Variants in ABI3BP observed in about 807,000 individuals in gnomAD.
ABI3BP encodes ABI family member 3 binding protein.
ABI3BP carries 216 observed loss-of-function variants against 268.6 expected under a neutral mutation model. The observed-to-expected ratio is 0.80, with a 90% confidence interval of 0.72 to 0.90. The LOEUF (loss-of-function observed/expected upper bound fraction) is 0.90. Ranked by LOEUF, ABI3BP falls within the 40% of genes least tolerant of loss-of-function variation. The probability of loss-of-function intolerance (pLI) is 0.00; values close to 1 mark genes in which losing one functional copy is unlikely to be tolerated. For missense variants in ABI3BP, 2,090 were observed against 2,182.4 expected, an observed-to-expected ratio of 0.96 and a Z score of 0.84; for synonymous variants, 730 against 730.0, an observed-to-expected ratio of 1.00 and a Z score of 0.00.
intron 9 of ABI3BP, among the ~76,000 whole-genome samples, chr3:100,874,280 A>G (rs1289130418): frequency 1.3e-5 from 2 of 152,174 alleles, no homozygotes; most frequent in Non-Finnish European, 2.9e-5. Flanking sequence ...GCTAAGATAC[A>G]ATTTGGAGCC....
At chr3:100,975,776 T>G (rs2085881224) in intron 1 of ABI3BP, among the ~76,000 whole-genome samples, 1 of 151,918 alleles carries the variant, frequency 6.6e-6, no homozygotes, top group South Asian at 2.1e-4. Flanking sequence ...GCCTTGTGGT[T>G]CCCTGAATGA....
At chr3:100,866,993 C>G (rs947036867) in intron 9 of ABI3BP, 37 bp from the exon 10 acceptor site, 1 of 1,556,904 alleles carries the variant, frequency 6.4e-7, no homozygotes, top group African/African-American at 1.4e-5. Context: ...ATCTCACTTG[C>G]AGTGTCCAAA....
chr3:100,966,069 C>T (rs1186398354), intron 1 of ABI3BP, among the ~76,000 whole-genome samples: 1 of 152,164 alleles, frequency 6.6e-6, no homozygotes, highest in East Asian at 1.9e-4. Context: ...AGGAGACCTA[C>T]ATGAAAGCAC....
chr3:100,832,470 T>G, intron 30 of ABI3BP, 120 bp from the exon 31 acceptor site: 1 of 993,062 alleles, frequency 1.0e-6, no homozygotes, highest in Non-Finnish European at 1.4e-6. Flanking sequence ...ACTTTGTCAT[T>G]TTCGTTTGAA....
At chr3:100,925,591 T>G (rs1561720482) in intron 2 of ABI3BP, among the ~76,000 whole-genome samples, 1 of 151,936 alleles carries the variant, frequency 6.6e-6, no homozygotes, top group Non-Finnish European at 1.5e-5. Context: ...ATTTTTGTAT[T>G]TTTTGTAGAG....
intron 1 of ABI3BP, among the ~76,000 whole-genome samples, chr3:100,986,553 G>A (rs989971500): frequency 4.6e-5 from 7 of 151,822 alleles, no homozygotes; most frequent in South Asian, 2.1e-4. Context: ...TGCAACCTCC[G>A]CCTCCTGGGC....
chr3:100,847,931 T>G (rs2098791810), intron 18 of ABI3BP, among the ~76,000 whole-genome samples: 1 of 152,168 alleles, frequency 6.6e-6, no homozygotes, highest in African/African-American at 2.4e-5. Context: ...CAATGAAGAA[T>G]TGACCTCCAG....
At chr3:100,883,075 T>C (rs894802235) in intron 6 of ABI3BP, among the ~76,000 whole-genome samples, 5 of 152,092 alleles carry the variant, frequency 3.3e-5, no homozygotes, top group African/African-American at 1.2e-4. Flanking sequence ...ATTCAATACA[T>C]AAATACACAG....
intron 6 of ABI3BP, among the ~76,000 whole-genome samples, chr3:100,884,266 C>T (rs1355429093): frequency 6.7e-6 from 1 of 149,932 alleles, no homozygotes; most frequent in Non-Finnish European, 1.5e-5. Context: ...ACCAAACAGA[C>T]AAGTTAAAAA....
chr3:100,835,416 T>G (rs1421122053), intron 28 of ABI3BP, among the ~76,000 whole-genome samples, 185 bp downstream of exon 28: 1 of 152,194 alleles, frequency 6.6e-6, no homozygotes, highest in Non-Finnish European at 1.5e-5. Context: ...TAGTGGCGTA[T>G]GGGCTTATAA....
chr3:100,787,994 AT>A (rs2097100724), intron 56 of ABI3BP, among the ~76,000 whole-genome samples, 192 bp from the exon 57 acceptor site: 1 of 152,170 alleles, frequency 6.6e-6, no homozygotes, highest in African/African-American at 2.4e-5. Flanking sequence ...AGAGACCTGA[AT>A]TTGTATTCTG....
At chr3:100,843,982 A>G in intron 20 of ABI3BP, 2 of 984,946 alleles carry the variant, frequency 2.0e-6, no homozygotes, top group South Asian at 9.4e-5. Flanking sequence ...ATAGGGATAG[A>G]ACTCCATCAA....
intron 1 of ABI3BP, among the ~76,000 whole-genome samples, chr3:100,984,910 T>C (rs1016075035): frequency 1.6e-4 from 25 of 152,268 alleles, no homozygotes; most frequent in African/African-American, 6.0e-4. Flanking sequence ...CTGAGTGTCA[T>C]GGTTAGAATA....
intron 62 of ABI3BP, among the ~76,000 whole-genome samples, chr3:100,769,736 A>T (rs1459719987): frequency 6.6e-6 from 1 of 152,218 alleles, no homozygotes; most frequent in Non-Finnish European, 1.5e-5. Flanking sequence ...CACAGTCCCA[A>T]GGAAAGAAGC....
In ABI3BP at chr3:100,765,954, A is replaced by T. The variant is rs754404282; in HGVS notation, c.4742-5T>A. 1 of 1,588,370 alleles carries T rather than the reference A, an allele frequency of 6.3e-7. No individual in the cohort carries two copies. The highest frequency in any genetic ancestry group is 2.2e-5 in the East Asian group (1 of 44,672). On this transcript the variant is annotated splice_region_variant and splice_polypyrimidine_tract_variant and intron_variant, in intron 62 of 67. Coordinates refer to ENST00000471714, the MANE Select transcript of ABI3BP (RefSeq NM_001375547.2). The stretch of plus-strand genomic sequence containing the variant: ...CTCTGGATATAACTTCATATTCTGT[A>T]AAGCGAAAGAAGCCAACAGATACTT...
At chr3:100,968,796 C>T (rs1048642153) in intron 1 of ABI3BP, among the ~76,000 whole-genome samples, 9 of 152,112 alleles carry the variant, frequency 5.9e-5, no homozygotes, top group African/African-American at 1.7e-4. Flanking sequence ...CCCATCAACC[C>T]GTCATCTGCA....
chr3:100,938,332 G>A (rs570282257), intron 1 of ABI3BP, among the ~76,000 whole-genome samples: 11 of 151,456 alleles, frequency 7.3e-5, no homozygotes, highest in Non-Finnish European at 1.3e-4. Context: ...CATAGGGATT[G>A]GCAATAATTT....
At chr3:100,750,759 T>G in intron 67 of ABI3BP, 149 bp from the exon 68 acceptor site, 2 of 603,288 alleles carry the variant, frequency 3.3e-6, no homozygotes, top group Non-Finnish European at 2.8e-6. Context: ...AGTTCTGGTG[T>G]TTTTTCCTGA....
At chr3:100,935,717 G>A (rs2153687419) in intron 1 of ABI3BP, among the ~76,000 whole-genome samples, 1 of 152,146 alleles carries the variant, frequency 6.6e-6, no homozygotes, top group East Asian at 1.9e-4. Flanking sequence ...TGGATTCCTA[G>A]GTATTTTATT....
Sources: allele counts gnomAD v4.1 joint callset (sites outside exome capture counted in the v4.1 genomes callset), GRCh38; gene constraint gnomAD v4.1.1; transcripts MANE v1.5; gene names NCBI Gene and HGNC (gene_info 2026-07-23, HGNC 2026-07-21).